ARMH4: variants seen among roughly 807,000 people sequenced by gnomAD.
ARMH4 encodes the protein armadillo like helical domain containing 4, also known as armadillo-like helical domain-containing protein 4.
Under a neutral mutation model 61.9 loss-of-function variants are expected in ARMH4, and 49 were observed. The ratio of observed to expected loss-of-function variants is 0.79; its 90% CI spans 0.63 to 1.00. ARMH4 has a LOEUF of 1.00. Ranked by LOEUF, ARMH4 falls within the 50% of genes least tolerant of loss-of-function variation. The pLI, the probability that ARMH4 is intolerant of heterozygous loss-of-function variation, is 0.00. For synonymous variants in ARMH4, 368 were observed against 341.5 expected (o/e 1.08, Z -0.85); for missense variants, 934 against 930.0 (o/e 1.00, Z -0.06).
At chr14:58,058,724 T>C (rs575376291) in intron 5 of ARMH4, among the ~76,000 whole-genome samples, 1 of 152,356 alleles carries the variant, frequency 6.6e-6, no homozygotes, top group East Asian at 1.9e-4. Context: ...CTGGCTTCTT[T>C]ACCACATGCT....
chr14:58,065,976 C>G (rs1041876602), intron 5 of ARMH4, among the ~76,000 whole-genome samples: 21 of 152,214 alleles, frequency 1.4e-4, no homozygotes, highest in African/African-American at 4.8e-4. Context: ...AGCTTGGAGG[C>G]AGATCCTCTT....
At chr14:58,079,802 C>A (rs187677259) in intron 5 of ARMH4, among the ~76,000 whole-genome samples, 1 of 152,282 alleles carries the variant, frequency 6.6e-6, no homozygotes, top group Admixed American at 6.5e-5. Context: ...ACACCTGGCT[C>A]TTTTCTAGAA....
At chr14:58,054,622 G>A (rs2141205217) in intron 5 of ARMH4, among the ~76,000 whole-genome samples, 1 of 152,200 alleles carries the variant, frequency 6.6e-6, no homozygotes, top group East Asian at 1.9e-4. Context: ...TCCAGGCCAG[G>A]CACAGTGGCT....
chr14:58,074,443 G>A (rs963118424), intron 5 of ARMH4, among the ~76,000 whole-genome samples: 1 of 150,964 alleles, frequency 6.6e-6, no homozygotes, highest in Non-Finnish European at 1.5e-5. Context: ...GGCAGTGGAT[G>A]CAACACAGTT....
Position 58,005,657 on chromosome 14 carries a change from T to C in ARMH4, c.2122-475A>G, listed in dbSNP as rs528179027. Reference sequence around the variant, plus strand: ...GGGCCTTGACAGTGGTGGTCCTCTCTTCTCCCTCTCTGTCTGTCTTGGCTG... The same window carrying C: ...GGGCCTTGACAGTGGTGGTCCTCTCCTCTCCCTCTCTGTCTGTCTTGGCTG... On this transcript the variant is annotated intron_variant, in intron 6 of 7. Transcript: ENST00000267485. Among the ~76,000 whole-genome samples the C allele has an allele frequency of 9.3e-5, 14 of 150,952 alleles. No individual in the cohort carries two copies. The South Asian group carries it at 1.9e-3, about 20-fold the overall frequency.
intron 5 of ARMH4, among the ~76,000 whole-genome samples, chr14:58,028,328 T>C (rs1345281121): frequency 6.6e-6 from 1 of 152,202 alleles, no homozygotes; most frequent in African/African-American, 2.4e-5. Context: ...AACAATTTCT[T>C]GTTTGCTTGT....
intron 6 of ARMH4, among the ~76,000 whole-genome samples, chr14:58,006,030 T>C (rs892085046): frequency 2.6e-5 from 4 of 152,130 alleles, no homozygotes; most frequent in African/African-American, 9.7e-5. Context: ...GTCTCCAGGG[T>C]CTCCAAGGTG....
At chr14:58,007,300 A>G (rs1447393090) in intron 6 of ARMH4, among the ~76,000 whole-genome samples, 3 of 152,178 alleles carry the variant, frequency 2.0e-5, no homozygotes, top group Non-Finnish European at 4.4e-5. Flanking sequence ...TCTTATTGAC[A>G]CACTTAAGCC....
chr14:58,022,765 G>A (rs1308729173), intron 5 of ARMH4, among the ~76,000 whole-genome samples: 1 of 152,252 alleles, frequency 6.6e-6, no homozygotes, highest in South Asian at 2.1e-4. Context: ...CTGGCCCTTT[G>A]CCATACCAAT....
intron 4 of ARMH4, among the ~76,000 whole-genome samples, chr14:58,126,064 A>G (rs1291080769): frequency 2.0e-5 from 3 of 152,216 alleles, no homozygotes; most frequent in African/African-American, 7.2e-5. Flanking sequence ...CAGGCATTCG[A>G]GCTGGCAACA....
At chr14:58,139,967 C>T (rs1260506356) in intron 1 of ARMH4, among the ~76,000 whole-genome samples, 1 of 152,096 alleles carries the variant, frequency 6.6e-6, no homozygotes, top group African/African-American at 2.4e-5. Flanking sequence ...GGGATTTATG[C>T]CCTTATAAAA....
At chr14:58,052,846 A>G (rs1884191896) in intron 5 of ARMH4, among the ~76,000 whole-genome samples, 1 of 151,962 alleles carries the variant, frequency 6.6e-6, no homozygotes, top group African/African-American at 2.4e-5. Context: ...CAAACTCAAC[A>G]TAACCAAAAC....
rs904644784 is a variant in ARMH4 at position 58,001,324 on chromosome 14, G to A, written c.*3412C>T. ...TGGCTATTGTGAATAATACTTATAAGCTTATTGTGAATAATATGCTTATAA... is the reference window on the plus strand; with the variant it reads ...TGGCTATTGTGAATAATACTTATAAACTTATTGTGAATAATATGCTTATAA... On this transcript the variant is annotated 3_prime_UTR_variant, in exon 8 of 8. Transcript: ENST00000267485. 5.3e-5 allele frequency: 8 copies of A among 152,124 alleles called. No individual in the cohort carries two copies. The highest frequency in any genetic ancestry group is 2.1e-4 in the South Asian group (1 of 4,802). The allele number at this position is 152,124 out of a possible 1,614,324, so 9.4% of individuals were successfully genotyped here.
chr14:58,119,050 G>C (rs888967145), intron 4 of ARMH4, among the ~76,000 whole-genome samples: 2 of 152,202 alleles, frequency 1.3e-5, no homozygotes, highest in African/African-American at 4.8e-5. Context: ...CTAGAGATAA[G>C]CAATGTAGAA....
chr14:58,057,908 A>G (rs1006270537), intron 5 of ARMH4, among the ~76,000 whole-genome samples: 1 of 152,186 alleles, frequency 6.6e-6, no homozygotes, highest in African/African-American at 2.4e-5. Context: ...TAGTAAACCT[A>G]TTTGAGTACG....
intron 5 of ARMH4, among the ~76,000 whole-genome samples, chr14:58,084,975 G>T (rs866534171): frequency 1.3e-5 from 2 of 152,168 alleles, no homozygotes; most frequent in African/African-American, 4.8e-5. Flanking sequence ...TCGCTTTAAG[G>T]CTTTAGCATC....
At chr14:58,016,971 C>T (rs1297210234) in intron 5 of ARMH4, among the ~76,000 whole-genome samples, 1 of 152,154 alleles carries the variant, frequency 6.6e-6, no homozygotes, top group African/African-American at 2.4e-5. Context: ...AGTGGAAGTC[C>T]TGGCCAGAAC....
At position 58,041,040 on chromosome 14, in the gene ARMH4, G is replaced by A. The variant is rs745342222; in HGVS notation, c.2090-28890C>T. On this transcript the variant is annotated intron_variant, in intron 5 of 7. Transcript: ENST00000267485. ...GTCTACAGCTCCCAGCGTGAGCGAC[G>A]CAGAAGACGGGTGATTTCTGCATTT... Among the ~76,000 whole-genome samples the A allele has an allele frequency of 5.3e-5, 8 of 152,184 alleles. 1 individual carries two copies. The highest frequency in any genetic ancestry group is 8.8e-5 in the Non-Finnish European group (6 of 68,032).
chr14:58,077,867 C>G (rs1470436166), intron 5 of ARMH4, among the ~76,000 whole-genome samples: 1 of 152,148 alleles, frequency 6.6e-6, no homozygotes, highest in Non-Finnish European at 1.5e-5. Flanking sequence ...ACTTAAAATT[C>G]CACCCTTTGC....
Sources: gnomAD v4.1 joint callset for allele counts (sites outside exome capture counted in the v4.1 genomes callset) on GRCh38, gnomAD v4.1.1 for gene constraint, MANE v1.5 for transcripts, NCBI Gene and HGNC (gene_info 2026-07-23, HGNC 2026-07-21) for gene names.